Variants in NRXN1 observed in about 807,000 individuals in gnomAD.
The protein encoded by NRXN1 is neurexin 1.
NRXN1 carries 39 observed loss-of-function variants against 150.9 expected under a neutral mutation model. That is an observed-to-expected ratio of 0.26 (90% CI 0.20 to 0.34). The LOEUF (loss-of-function observed/expected upper bound fraction) is 0.34. Among genes scored for constraint, NRXN1 ranks in the 10% least tolerant of loss-of-function variants. NRXN1 has a pLI of 1.00. For synonymous variants in NRXN1, 924 were observed against 757.0 expected (o/e 1.22, Z -3.62); for missense variants, 1,815 against 1,949.9 (o/e 0.93, Z 1.30).
intron 18 of NRXN1, among the ~76,000 whole-genome samples, chr2:50,218,353 C>T (rs933109592): frequency 3.3e-5 from 5 of 151,940 alleles, no homozygotes; most frequent in South Asian, 2.1e-4. Context: ...CTCCCAGACA[C>T]GTTTTTGAAG....
chr2:50,978,302 A>ATATATATATATATATG (rs1696235974), intron 2 of NRXN1, among the ~76,000 whole-genome samples: 1 of 128,836 alleles, frequency 7.8e-6, no homozygotes, highest in Non-Finnish European at 1.7e-5. Context: ...ATATATATAT[A>ATATATATATATATATG]TATAAAATAT....
chr2:50,111,940 A>G (rs1258779437), intron 18 of NRXN1, among the ~76,000 whole-genome samples: 1 of 152,166 alleles, frequency 6.6e-6, no homozygotes, highest in Non-Finnish European at 1.5e-5. Flanking sequence ...TGGGTACCAA[A>G]CCGTAAGATA....
At chr2:50,826,670 A>C (rs1238001689) in intron 5 of NRXN1, among the ~76,000 whole-genome samples, 1 of 152,170 alleles carries the variant, frequency 6.6e-6, no homozygotes, top group Non-Finnish European at 1.5e-5. Flanking sequence ...CTTGAACAAC[A>C]AGGCATATAC....
chr2:50,201,673 G>C (rs2062174244), intron 18 of NRXN1, among the ~76,000 whole-genome samples: 1 of 152,112 alleles, frequency 6.6e-6, no homozygotes, highest in South Asian at 2.1e-4. Context: ...AAACTAAATG[G>C]CTTAAAACAA....
intron 16 of NRXN1, among the ~76,000 whole-genome samples, chr2:50,470,099 G>A (rs2089313526): frequency 6.6e-6 from 1 of 151,610 alleles, no homozygotes; most frequent in African/African-American, 2.4e-5. Context: ...TCTTGTAGGT[G>A]AGAAGTCACA....
intron 9 of NRXN1, among the ~76,000 whole-genome samples, chr2:50,540,240 G>C (rs981290278): frequency 6.6e-6 from 1 of 152,178 alleles, no homozygotes; most frequent in African/African-American, 2.4e-5. Flanking sequence ...AGATTTCCTA[G>C]GGAAGCAGCT....
chr2:50,946,200 C>T (rs1406308954), intron 2 of NRXN1, among the ~76,000 whole-genome samples: 2 of 152,034 alleles, frequency 1.3e-5, no homozygotes, highest in South Asian at 2.1e-4. Context: ...AAGTCCTTCA[C>T]CAGTAAGTTT....
At chr2:50,889,242 T>G (rs1271758074) in intron 5 of NRXN1, among the ~76,000 whole-genome samples, 4 of 151,758 alleles carry the variant, frequency 2.6e-5, no homozygotes, top group African/African-American at 9.7e-5. Context: ...ATGTGCCCTC[T>G]TTCTTTCTGA....
At chr2:50,007,141 C>G (rs7599940) in intron 21 of NRXN1, among the ~76,000 whole-genome samples, 71,768 of 151,836 alleles carry the variant, frequency 0.47, 17,536 homozygotes, top group Middle Eastern at 0.62. Flanking sequence ...CCAGGAGTTT[C>G]AGACCAGCCT....
chr2:50,766,279 A>C (rs1702374270), intron 5 of NRXN1, among the ~76,000 whole-genome samples: 1 of 151,952 alleles, frequency 6.6e-6, no homozygotes, highest in African/African-American at 2.4e-5. Flanking sequence ...TGTCACTTAC[A>C]TGGATGGGAT....
intron 18 of NRXN1, 69 bp from the exon 19 acceptor site, chr2:50,091,563 C>G (rs1699580928): frequency 7.3e-6 from 11 of 1,514,112 alleles, no homozygotes; most frequent in South Asian, 1.1e-5. Flanking sequence ...AGATTACATA[C>G]AAGGTATTGT....
chr2:50,562,355 A>C (rs753180081), intron 8 of NRXN1, among the ~76,000 whole-genome samples: 12 of 152,052 alleles, frequency 7.9e-5, no homozygotes, highest in Non-Finnish European at 1.8e-4. Context: ...AGATAGATAG[A>C]TAGATAGATG....
At chr2:50,309,998 G>A (rs1034092816) in intron 17 of NRXN1, among the ~76,000 whole-genome samples, 6 of 152,148 alleles carry the variant, frequency 3.9e-5, no homozygotes, top group Admixed American at 6.6e-5. Flanking sequence ...ATAAAAGAAA[G>A]CTTGCTATGT....
chr2:50,149,935 C>T (rs2152770695), intron 18 of NRXN1, among the ~76,000 whole-genome samples: 1 of 151,836 alleles, frequency 6.6e-6, no homozygotes, highest in South Asian at 2.1e-4. Context: ...TAGCCATATG[C>T]ATATCAGCTG....
intron 17 of NRXN1, among the ~76,000 whole-genome samples, chr2:50,365,291 G>T (rs142956017): frequency 9.3e-4 from 141 of 152,122 alleles, no homozygotes; most frequent in Admixed American, 2.9e-3. Context: ...GAGAAAATTT[G>T]TAGCAGAAAA....
intron 17 of NRXN1, among the ~76,000 whole-genome samples, chr2:50,243,692 T>G (rs987976125): frequency 6.6e-6 from 1 of 151,794 alleles, no homozygotes; most frequent in Admixed American, 6.6e-5. Flanking sequence ...GAGGACTCAT[T>G]AGGTGTTAAC....
rs1334189693 is a variant in NRXN1, at chr2:50,099,885, C to T, written c.3547-8391G>A. Among the ~76,000 whole-genome samples the T allele has an allele frequency of 3.9e-5, 6 of 152,050 alleles. No individual in the cohort carries two copies. The South Asian group carries it at 6.2e-4, about 16-fold the overall frequency. On this transcript the variant is annotated intron_variant, in intron 18 of 22. Coordinates refer to ENST00000401669, the MANE Select transcript of NRXN1 (RefSeq NM_001330078.2). The stretch of plus-strand genomic sequence containing the variant: ...TCAACTGTAAGATAAGTGGTTCTCC[C>T]GTTGATTATGCTGAGGCAGAGCATG...
At chr2:49,961,367 G>A (rs990703654) in intron 21 of NRXN1, among the ~76,000 whole-genome samples, 8 of 150,678 alleles carry the variant, frequency 5.3e-5, no homozygotes, top group African/African-American at 7.3e-5. Flanking sequence ...TCAATCTCCC[G>A]TCCTCCTTGT....
At chr2:50,278,242 A>ATATATATGTATTATATATATAT (rs1553368219) in intron 17 of NRXN1, among the ~76,000 whole-genome samples, 3 of 118,298 alleles carry the variant, frequency 2.5e-5, no homozygotes, top group South Asian at 4.7e-4. Context: ...TATATATATA[A>ATATATATGTATTATATATATAT]TATATATATA....
Sources: allele counts gnomAD v4.1 joint callset (sites outside exome capture counted in the v4.1 genomes callset), GRCh38; gene constraint gnomAD v4.1.1; transcripts MANE v1.5; gene names NCBI Gene and HGNC (gene_info 2026-07-23, HGNC 2026-07-21).